ATP2C1: variants seen among roughly 807,000 people sequenced by gnomAD.
ATP2C1 encodes the protein ATPase secretory pathway Ca2+ transporting 1.
A neutral mutation model predicts 120.5 loss-of-function variants in ATP2C1; 31 were observed. That is an observed-to-expected ratio of 0.26 (90% CI 0.19 to 0.35). ATP2C1 has a LOEUF of 0.35. Among genes scored for constraint, ATP2C1 ranks in the 10% least tolerant of loss-of-function variants. The pLI is 1.00. For synonymous variants in ATP2C1, 351 were observed against 358.7 expected (o/e 0.98, Z 0.24); for missense variants, 731 against 1,107.5 (o/e 0.66, Z 4.83).
At chr3:130,944,199 CTG>C (rs1300586322) in intron 8 of ATP2C1, among the ~76,000 whole-genome samples, 2 of 152,196 alleles carry the variant, frequency 1.3e-5, no homozygotes, top group Non-Finnish European at 2.9e-5. Context: ...CATTTTGTAA[CTG>C]TCATAAATTT....
At chr3:130,851,248 C>A (rs1217918036) in intron 1 of ATP2C1, among the ~76,000 whole-genome samples, 1 of 152,198 alleles carries the variant, frequency 6.6e-6, no homozygotes, top group Non-Finnish European at 1.5e-5. Flanking sequence ...AAATTTGACA[C>A]TATTAATATC....
At chr3:130,873,984 C>G (rs1413795825) in intron 1 of ATP2C1, among the ~76,000 whole-genome samples, 1 of 151,984 alleles carries the variant, frequency 6.6e-6, no homozygotes, top group Non-Finnish European at 1.5e-5. Context: ...GTGGCGGGTG[C>G]CTGTAATCCC....
rs962192884 is a variant in ATP2C1, at chr3:131,001,424, G to A, written c.*74G>A. The A allele has an allele frequency of 6.0e-5, 93 of 1,555,750 alleles. 1 individual carries two copies. Among genetic ancestry groups the A allele is most frequent in the Middle Eastern group, 3.7e-4 (2 of 5,344 alleles). On this transcript the variant is annotated 3_prime_UTR_variant, in exon 28 of 28. Coordinates refer to ENST00000510168, the MANE Select transcript of ATP2C1 (RefSeq NM_001378687.1). ...TCATTTAGAAGGGCAAGTTCAAGAG[G>A]ATATGAAGATTTGAGAACTTTTTAA...
chr3:131,015,395 T>C, intron 26 of ATP2C1: 1 of 587,068 alleles, frequency 1.7e-6, no homozygotes, highest in Non-Finnish European at 3.0e-6. Context: ...ATTACCAAGA[T>C]GTCCAATCCA....
In ATP2C1 at chr3:131,002,296, T is replaced by C; in HGVS notation, c.*946T>C. On this transcript the variant is annotated 3_prime_UTR_variant, in exon 28 of 28. Transcript: ENST00000510168. ...ATTATTTTTACTGTTATGTATGTTTTTAATCATATTTCTTAGGAAGTATAG... is the reference window on the plus strand; with the variant it reads ...ATTATTTTTACTGTTATGTATGTTTCTAATCATATTTCTTAGGAAGTATAG... 1 of 980,920 alleles carries C rather than the reference T, an allele frequency of 1.0e-6. No individual in the cohort carries two copies. The highest frequency in any genetic ancestry group is 1.2e-6 in the Non-Finnish European group (1 of 825,800). The allele number at this position is 980,920 out of a possible 1,614,324, so 60.8% of individuals were successfully genotyped here. A position where few individuals can be genotyped will look rare whatever the true frequency, so the allele number is the denominator to read the frequency against.
chr3:130,979,470 G>T, intron 19 of ATP2C1, 51 bp downstream of exon 19: 1 of 1,564,336 alleles, frequency 6.4e-7, no homozygotes, highest in East Asian at 2.3e-5. Context: ...TTAAAATACT[G>T]TGGTGCATAA....
intron 2 of ATP2C1, among the ~76,000 whole-genome samples, chr3:130,927,195 A>G (rs1366458517): frequency 7.2e-5 from 11 of 152,118 alleles, no homozygotes; most frequent in Admixed American, 7.2e-4. Context: ...ACTAACTGGT[A>G]GTTAAATTTA....
chr3:130,919,105 C>G (rs997368064), intron 2 of ATP2C1: 14 of 409,208 alleles, frequency 3.4e-5, no homozygotes, highest in Non-Finnish European at 5.7e-5. Context: ...GTTTCCACCT[C>G]TCCACGCAGG....
chr3:130,875,033 A>G (rs2107790075), intron 1 of ATP2C1, among the ~76,000 whole-genome samples: 1 of 152,304 alleles, frequency 6.6e-6, no homozygotes, highest in Non-Finnish European at 1.5e-5. Context: ...TGCAACACAG[A>G]ATGATATTTT....
At chr3:130,852,581 T>C (rs943521256) in intron 1 of ATP2C1, among the ~76,000 whole-genome samples, 11 of 152,162 alleles carry the variant, frequency 7.2e-5, no homozygotes, top group Admixed American at 4.6e-4. Context: ...AATTCTTATA[T>C]AAGTGAATTG....
intron 1 of ATP2C1, among the ~76,000 whole-genome samples, chr3:130,884,924 T>C (rs2068913922): frequency 7.0e-6 from 1 of 143,786 alleles, no homozygotes; most frequent in East Asian, 2.0e-4. Flanking sequence ...TTTCTTTCTT[T>C]TCTTTCTTTT....
chr3:130,957,670 C>T (rs1226541014), intron 11 of ATP2C1, among the ~76,000 whole-genome samples: 1 of 152,090 alleles, frequency 6.6e-6, no homozygotes, highest in African/African-American at 2.4e-5. Context: ...GCCTCAGCCT[C>T]CCGAGTAGCT....
At chr3:131,006,175 G>A (rs1439561744), downstream of ATP2C1, among the ~76,000 whole-genome samples, 3 of 152,186 alleles carry the variant, frequency 2.0e-5, no homozygotes, top group East Asian at 5.8e-4. Flanking sequence ...GCAGTGGTGC[G>A]ATCTTGGCTC....
rs545243228 is a variant in ATP2C1, at chr3:130,907,888, T to C, written c.6+13113T>C. On this transcript the variant is annotated intron_variant, in intron 2 of 27. Transcript: ENST00000510168. ...TACTTTGAGAATATAATATTCTTAC[T>C]TAGGTACAAACATAAGACTTTTTGA... is the stretch of plus-strand genomic sequence containing the variant. Among the ~76,000 whole-genome samples the C allele has an allele frequency of 3.9e-5, 6 of 152,184 alleles. No homozygotes were observed. The South Asian group carries it at 1.2e-3, about 32-fold the overall frequency.
intron 2 of ATP2C1, chr3:130,928,164 G>A (rs1183389862): frequency 2.0e-5 from 3 of 152,276 alleles, no homozygotes; most frequent in African/African-American, 7.2e-5. Context: ...GAATGACAAA[G>A]TTAAATATGG....
At chr3:130,941,202 C>T (rs2059886878) in intron 7 of ATP2C1, among the ~76,000 whole-genome samples, 1 of 149,616 alleles carries the variant, frequency 6.7e-6, no homozygotes, top group South Asian at 2.1e-4. Flanking sequence ...GCGTGAGCCA[C>T]CGCGCCCGGC....
intron 20 of ATP2C1, among the ~76,000 whole-genome samples, chr3:130,982,720 A>G (rs2061824316): frequency 6.6e-6 from 1 of 152,134 alleles, no homozygotes. Context: ...AGAATGTGGA[A>G]TTTTCTTAAA....
At chr3:130,874,114 AAAAAAAAG>A (rs1257568837) in intron 1 of ATP2C1, among the ~76,000 whole-genome samples, 4 of 151,894 alleles carry the variant, frequency 2.6e-5, no homozygotes, top group East Asian at 3.9e-4. Flanking sequence ...TGTCTCAAAA[AAAAAAAAG>A]AAAAAAAGAA....
At chr3:130,983,605 A>G (rs574240073) in intron 20 of ATP2C1, among the ~76,000 whole-genome samples, 2 of 152,350 alleles carry the variant, frequency 1.3e-5, no homozygotes, top group African/African-American at 2.4e-5. Flanking sequence ...TCGCTCCACC[A>G]TTAGAATTTC....
Sources: allele counts gnomAD v4.1 joint callset (sites outside exome capture counted in the v4.1 genomes callset), GRCh38; gene constraint gnomAD v4.1.1; transcripts MANE v1.5; gene names NCBI Gene and HGNC (gene_info 2026-07-23, HGNC 2026-07-21).